Variants in MNAT1 observed in about 807,000 individuals in gnomAD.
MNAT1 encodes CDK-activating kinase assembly factor MAT1.
In MNAT1, 43 loss-of-function variants were observed where a neutral mutation model predicts 42.0. The ratio of observed to expected loss-of-function variants is 1.02; its 90% CI spans 0.80 to 1.32. The LOEUF is 1.32. Ranked by LOEUF, MNAT1 falls within the 40% of genes most tolerant of loss-of-function variation. MNAT1 has a pLI of 0.00. For missense variants in MNAT1, 306 were observed against 350.4 expected (o/e 0.87, Z 1.01); for synonymous variants, 118 against 120.0 (o/e 0.98, Z 0.11).
intron 1 of MNAT1, among the ~76,000 whole-genome samples, chr14:60,747,185 C>T (rs1021579310): frequency 1.3e-5 from 2 of 151,456 alleles, no homozygotes; most frequent in Non-Finnish European, 2.9e-5. Context: ...GGGGTTTCAC[C>T]ATGTTAGCCA....
At chr14:60,933,665 A>G (rs4151372) in intron 7 of MNAT1, among the ~76,000 whole-genome samples, 14 of 152,212 alleles carry the variant, frequency 9.2e-5, no homozygotes, top group Non-Finnish European at 1.9e-4. Flanking sequence ...CATCTAAAAC[A>G]TGGATCTAGA....
chr14:60,885,240 G>A (rs1259333520), intron 7 of MNAT1, among the ~76,000 whole-genome samples: 1 of 151,504 alleles, frequency 6.6e-6, no homozygotes, highest in African/African-American at 2.4e-5. Context: ...CTCTAGATTT[G>A]GGAAATGTTC....
chr14:60,890,441 A>G (rs2034811945), intron 7 of MNAT1, among the ~76,000 whole-genome samples: 1 of 152,194 alleles, frequency 6.6e-6, no homozygotes, highest in South Asian at 2.1e-4. Context: ...GACAGAACTA[A>G]TAGATAGATG....
At chr14:60,811,813 G>T (rs755622981) in intron 4 of MNAT1, among the ~76,000 whole-genome samples, 174 bp from the exon 5 acceptor site, 1 of 152,088 alleles carries the variant, frequency 6.6e-6, no homozygotes, top group Non-Finnish European at 1.5e-5. Flanking sequence ...TAATAGTAAC[G>T]TGTCTACATG....
chr14:60,743,295 C>CT (rs368699682), intron 1 of MNAT1, among the ~76,000 whole-genome samples: 34,081 of 148,092 alleles, frequency 0.23, 4,132 homozygotes, highest in Middle Eastern at 0.34. Flanking sequence ...TTTAGCATTT[C>CT]TTTTTTTTTT....
chr14:60,858,019 G>T (rs2139428740), intron 6 of MNAT1, among the ~76,000 whole-genome samples: 2 of 152,236 alleles, frequency 1.3e-5, no homozygotes, highest in East Asian at 3.9e-4. Context: ...ATTGTGAATA[G>T]TGCCTCAGTA....
intron 7 of MNAT1, among the ~76,000 whole-genome samples, chr14:60,946,701 T>G (rs2036283417): frequency 6.6e-6 from 1 of 152,174 alleles, no homozygotes; most frequent in African/African-American, 2.4e-5. Context: ...TGTATATCGT[T>G]CCTGATAATT....
chr14:60,877,119 A>G (rs2034451828), intron 6 of MNAT1, among the ~76,000 whole-genome samples: 1 of 151,988 alleles, frequency 6.6e-6, no homozygotes, highest in Non-Finnish European at 1.5e-5. Flanking sequence ...TTTCTTTTTA[A>G]TAATAGCCAT....
At chr14:60,748,257 G>A (rs748303067) in intron 1 of MNAT1, among the ~76,000 whole-genome samples, 2 of 151,876 alleles carry the variant, frequency 1.3e-5, no homozygotes, top group South Asian at 2.1e-4. Flanking sequence ...TTGAGACAGG[G>A]TCTTGCTCTG....
At chr14:60,911,159 T>C (rs1158404616) in intron 7 of MNAT1, among the ~76,000 whole-genome samples, 1 of 152,216 alleles carries the variant, frequency 6.6e-6, no homozygotes, top group Admixed American at 6.5e-5. Flanking sequence ...TTCTGTGGGA[T>C]CGGTGGTGAT....
At chr14:60,959,060 A>T (rs2036540988) in intron 7 of MNAT1, among the ~76,000 whole-genome samples, 1 of 152,220 alleles carries the variant, frequency 6.6e-6, no homozygotes, top group Non-Finnish European at 1.5e-5. Flanking sequence ...TTAGGACTAC[A>T]GGCACACGTC....
At chr14:60,852,920 A>G (rs1216244339) in intron 6 of MNAT1, among the ~76,000 whole-genome samples, 2 of 152,044 alleles carry the variant, frequency 1.3e-5, no homozygotes, top group African/African-American at 2.4e-5. Context: ...TGTTTTGTTA[A>G]CAGTATCATG....
At chr14:60,955,704 A>G (rs751912907) in intron 7 of MNAT1, among the ~76,000 whole-genome samples, 2 of 152,074 alleles carry the variant, frequency 1.3e-5, no homozygotes, top group East Asian at 3.9e-4. Context: ...CTTACTTTCT[A>G]TTGGTTTGTT....
intron 7 of MNAT1, among the ~76,000 whole-genome samples, chr14:60,893,184 A>G (rs1018110638): frequency 2.0e-5 from 3 of 151,984 alleles, no homozygotes; most frequent in South Asian, 2.1e-4. Flanking sequence ...CTCTTGTCCC[A>G]TCTTCAAGTT....
At chr14:60,762,576 GATGCCTGTA>G (rs2140300789) in intron 1 of MNAT1, among the ~76,000 whole-genome samples, 1 of 151,860 alleles carries the variant, frequency 6.6e-6, no homozygotes, top group African/African-American at 2.4e-5. Context: ...CATGGTGGTG[GATGCCTGTA>G]ATTCCAGCTA....
At chr14:60,780,779 G>T (rs1194090548) in intron 1 of MNAT1, among the ~76,000 whole-genome samples, 1 of 151,932 alleles carries the variant, frequency 6.6e-6, no homozygotes, top group African/African-American at 2.4e-5. Flanking sequence ...ACTCACCATG[G>T]AGTTAACATC....
At chr14:60,791,689 T>C (rs1018257222) in intron 1 of MNAT1, among the ~76,000 whole-genome samples, 1 of 152,184 alleles carries the variant, frequency 6.6e-6, no homozygotes, top group Non-Finnish European at 1.5e-5. Flanking sequence ...TTGAAATCCA[T>C]GTATGCAAAT....
intron 1 of MNAT1, among the ~76,000 whole-genome samples, chr14:60,761,231 A>G (rs951448566): frequency 2.2e-4 from 33 of 152,180 alleles, no homozygotes; most frequent in Admixed American, 5.2e-4. Flanking sequence ...TCCCTGTTGT[A>G]GAAGGTTATC....
Position 60,969,839 on chromosome 14 carries a change from A to T in MNAT1, c.*1490A>T, listed in dbSNP as rs918926045. ...CTCATACCTTTTATAAATGTATTTTAAAAAGAATGAACTAATTAATAAAAC... is the reference window on the plus strand; with the variant it reads ...CTCATACCTTTTATAAATGTATTTTTAAAAGAATGAACTAATTAATAAAAC... On this transcript the variant is annotated 3_prime_UTR_variant, in exon 8 of 8. Transcript: ENST00000261245. 3 of 152,212 alleles carry T rather than the reference A, an allele frequency of 2.0e-5. No individual in the cohort carries two copies. The highest frequency in any genetic ancestry group is 6.5e-5 in the Admixed American group (1 of 15,280). 9.4% of individuals were successfully genotyped at this position (152,212 alleles called of 1,614,324 possible). A position where few individuals can be genotyped will look rare whatever the true frequency, so the allele number is the denominator to read the frequency against.
Sources: allele counts gnomAD v4.1 joint callset (sites outside exome capture counted in the v4.1 genomes callset), GRCh38; gene constraint gnomAD v4.1.1; transcripts MANE v1.5; gene names NCBI Gene and HGNC (gene_info 2026-07-23, HGNC 2026-07-21).